The following CHST8 variants were observed in gnomAD, a reference collection of about 807,000 sequenced individuals.
CHST8 encodes GALNAC-4-ST1.
A neutral mutation model predicts 15.0 loss-of-function variants in CHST8; 10 were observed. The ratio of observed to expected loss-of-function variants is 0.67; its 90% confidence interval spans 0.41 to 1.13. The LOEUF (loss-of-function observed/expected upper bound fraction) is 1.13. Among genes scored for constraint, CHST8 ranks in the 50% most tolerant of loss-of-function variants. The pLI is 0.00. For synonymous variants in CHST8, 259 were observed against 256.6 expected, an observed-to-expected ratio of 1.01 and a Z score of -0.09; for missense variants, 634 against 608.2, an observed-to-expected ratio of 1.04 and a Z score of -0.45.
chr19:33,657,240 CAT>C (rs754949011), intron 1 of CHST8, among the ~76,000 whole-genome samples: 10 of 151,130 alleles, frequency 6.6e-5, no homozygotes, highest in Admixed American at 2.6e-4. Context: ...CATACACACA[CAT>C]ATATATATAC....
intron 3 of CHST8, among the ~76,000 whole-genome samples, chr19:33,747,901 G>A (rs990499938): frequency 6.6e-5 from 10 of 152,110 alleles, no homozygotes; most frequent in African/African-American, 2.2e-4. Flanking sequence ...GTGGCTCAGC[G>A]GGTCTCCTGG....
intron 1 of CHST8, among the ~76,000 whole-genome samples, chr19:33,656,506 A>G (rs779931957): frequency 1.3e-5 from 2 of 152,112 alleles, no homozygotes; most frequent in Non-Finnish European, 2.9e-5. Context: ...GTAACCTGGT[A>G]TTTGATATGT....
At chr19:33,639,109 A>G (rs933018434) in intron 1 of CHST8, among the ~76,000 whole-genome samples, 3 of 143,452 alleles carry the variant, frequency 2.1e-5, no homozygotes, top group Non-Finnish European at 4.5e-5. Context: ...AAAAAAAAAA[A>G]GAGGAGGTAC....
chr19:33,764,017 C>T (rs75018549), intron 3 of CHST8, among the ~76,000 whole-genome samples: 3,335 of 152,332 alleles, frequency 0.022, 99 homozygotes, highest in African/African-American at 0.073. Context: ...TGGGATTGCC[C>T]CTGTCTGCAT....
At chr19:33,730,223 G>T (rs556740942) in intron 3 of CHST8, among the ~76,000 whole-genome samples, 1 of 152,170 alleles carries the variant, frequency 6.6e-6, no homozygotes, top group Non-Finnish European at 1.5e-5. Flanking sequence ...ATTCCGTGGG[G>T]ACAGTTTCAA....
At chr19:33,663,470 C>T (rs780598037) in intron 1 of CHST8, among the ~76,000 whole-genome samples, 20 of 152,250 alleles carry the variant, frequency 1.3e-4, no homozygotes, top group African/African-American at 4.1e-4. Flanking sequence ...TGGGCCAAGG[C>T]GGGAGAATCA....
intron 2 of CHST8, among the ~76,000 whole-genome samples, chr19:33,668,865 C>A (rs1394326274): frequency 6.6e-6 from 1 of 151,890 alleles, no homozygotes; most frequent in African/African-American, 2.4e-5. Flanking sequence ...TACTGTGGTT[C>A]CCATCACGGG....
At chr19:33,760,086 C>T (rs1974685248) in intron 3 of CHST8, among the ~76,000 whole-genome samples, 1 of 152,114 alleles carries the variant, frequency 6.6e-6, no homozygotes, top group Non-Finnish European at 1.5e-5. Flanking sequence ...TGGATAGTGA[C>T]AGCAATCCCC....
At chr19:33,642,880 T>G (rs1271156714) in intron 1 of CHST8, among the ~76,000 whole-genome samples, 1 of 152,256 alleles carries the variant, frequency 6.6e-6, no homozygotes, top group African/African-American at 2.4e-5. Context: ...ATAACCTGTT[T>G]AATCACTTTG....
intron 3 of CHST8, among the ~76,000 whole-genome samples, chr19:33,770,482 C>A (rs1599646176): frequency 6.6e-6 from 1 of 152,208 alleles, no homozygotes; most frequent in East Asian, 1.9e-4. Flanking sequence ...GAGGCTCCAG[C>A]TTCTAAATAG....
chr19:33,719,708 G>A lies in CHST8; in HGVS notation c.130+30317G>A, dbSNP rs1245394872. ...CCAGGGAGCTTCACAGGGTCCTAAA[G>A]AGGGGGATGGGGACCTGGAGCAATT... On this transcript the variant is annotated intron_variant, in intron 3 of 4. Transcript: ENST00000650847. Among the ~76,000 whole-genome samples the A allele has an allele frequency of 5.3e-5, 8 of 150,316 alleles. No individual in the cohort carries two copies. In the East Asian group the frequency reaches 1.6e-3, roughly 30 times the overall value.
intron 3 of CHST8, among the ~76,000 whole-genome samples, chr19:33,735,077 A>T (rs1974058435): frequency 6.6e-6 from 1 of 152,226 alleles, no homozygotes; most frequent in Admixed American, 6.5e-5. Context: ...CAGCAGTGCC[A>T]GGCCTGGCTT....
chr19:33,727,945 C>A (rs532397349), intron 3 of CHST8, among the ~76,000 whole-genome samples: 2 of 152,216 alleles, frequency 1.3e-5, no homozygotes, highest in Non-Finnish European at 1.5e-5. Context: ...CTGGCCCAGC[C>A]CCGGCCCACA....
At chr19:33,739,406 G>A (rs1042916642) in intron 3 of CHST8, among the ~76,000 whole-genome samples, 1 of 152,158 alleles carries the variant, frequency 6.6e-6, no homozygotes, top group African/African-American at 2.4e-5. Flanking sequence ...GGGCTGAGTG[G>A]CCAGTTGTCT....
chr19:33,654,920 C>T (rs1972491590), intron 1 of CHST8, among the ~76,000 whole-genome samples: 1 of 152,084 alleles, frequency 6.6e-6, no homozygotes, highest in Admixed American at 6.6e-5. Flanking sequence ...CCAGCTCATG[C>T]CTGAGGATTT....
chr19:33,704,185 A>G (rs1005074788), intron 3 of CHST8, among the ~76,000 whole-genome samples: 19 of 152,140 alleles, frequency 1.2e-4, no homozygotes, highest in Non-Finnish European at 1.8e-4. Flanking sequence ...AGGGATGATG[A>G]TCCGTGAGCC....
intron 2 of CHST8, among the ~76,000 whole-genome samples, chr19:33,673,587 C>G (rs115097526): frequency 1.3e-5 from 2 of 152,034 alleles, no homozygotes; most frequent in Non-Finnish European, 2.9e-5. Flanking sequence ...GGCCGGAGGA[C>G]GTCTGTGTGT....
intron 2 of CHST8, among the ~76,000 whole-genome samples, chr19:33,681,125 G>A (rs1003251859): frequency 1.3e-5 from 2 of 152,120 alleles, no homozygotes; most frequent in Non-Finnish European, 2.9e-5. Context: ...ATTTTTGAAG[G>A]AAAAAGGACC....
chr19:33,685,107 G>A (rs1377697604), intron 2 of CHST8: 9 of 152,264 alleles, frequency 5.9e-5, no homozygotes, highest in Admixed American at 5.9e-4. Context: ...CTGGGCAGCT[G>A]AGGGGAGCGT....
Sources: allele counts gnomAD v4.1 joint callset (sites outside exome capture counted in the v4.1 genomes callset), GRCh38; gene constraint gnomAD v4.1.1; transcripts MANE v1.5; gene names NCBI Gene and HGNC (gene_info 2026-07-23, HGNC 2026-07-21).